The following LMNTD1 variants were observed in gnomAD, a reference collection of about 807,000 sequenced individuals.
LMNTD1 encodes the protein lamin tail domain-containing protein 1.
Under a neutral mutation model 50.9 loss-of-function variants are expected in LMNTD1, and 35 were observed. That is an observed-to-expected ratio of 0.69 (90% confidence interval 0.53 to 0.91). The LOEUF (loss-of-function observed/expected upper bound fraction) is 0.91. Ranked by LOEUF, LMNTD1 falls within the 40% of genes least tolerant of loss-of-function variation. LMNTD1 has a pLI of 0.00. For synonymous variants in LMNTD1, 153 were observed against 161.9 expected, an observed-to-expected ratio of 0.94 and a Z score of 0.42; for missense variants, 470 against 475.5, an observed-to-expected ratio of 0.99 and a Z score of 0.11.
At chr12:25,595,857 A>G (rs1173939452) in intron 1 of LMNTD1, among the ~76,000 whole-genome samples, 1 of 152,146 alleles carries the variant, frequency 6.6e-6, no homozygotes, top group Non-Finnish European at 1.5e-5. Flanking sequence ...TTAACCAAGA[A>G]AAGAAGAGAG....
At chr12:25,497,403 C>T (rs565104183) in intron 9 of LMNTD1, 1 of 152,242 alleles carries the variant, frequency 6.6e-6, no homozygotes, top group Non-Finnish European at 1.5e-5. Flanking sequence ...TAAAACCCTG[C>T]TTTACTCACC....
intron 9 of LMNTD1, among the ~76,000 whole-genome samples, chr12:25,476,911 G>A (rs74073913): frequency 1.9e-3 from 286 of 152,302 alleles, no homozygotes; most frequent in African/African-American, 6.4e-3. Flanking sequence ...AGGGTCTCCA[G>A]GACAAATCGA....
At chr12:25,566,942 T>C (rs1426001236) in intron 1 of LMNTD1, among the ~76,000 whole-genome samples, 5 of 152,162 alleles carry the variant, frequency 3.3e-5, no homozygotes, top group African/African-American at 1.2e-4. Flanking sequence ...TGTGTGCAAA[T>C]GAGAGAATGG....
chr12:25,477,006 C>T (rs1049211307), intron 9 of LMNTD1, among the ~76,000 whole-genome samples: 7 of 152,130 alleles, frequency 4.6e-5, no homozygotes, highest in Non-Finnish European at 8.8e-5. Flanking sequence ...CCTGAGGCAG[C>T]GTGACCCATA....
intron 1 of LMNTD1, among the ~76,000 whole-genome samples, chr12:25,635,484 G>A (rs2136609626): frequency 6.6e-6 from 1 of 152,244 alleles, no homozygotes; most frequent in Non-Finnish European, 1.5e-5. Flanking sequence ...AGAAATCATA[G>A]ATGCACACAA....
intron 8 of LMNTD1, among the ~76,000 whole-genome samples, chr12:25,515,090 C>T (rs987010224): frequency 2.6e-5 from 4 of 151,728 alleles, no homozygotes; most frequent in African/African-American, 9.7e-5. Context: ...GGTATGAACC[C>T]CAAAGGAACC....
chr12:25,558,449 A>G (rs1944131235), intron 1 of LMNTD1, among the ~76,000 whole-genome samples: 1 of 151,736 alleles, frequency 6.6e-6, no homozygotes, highest in African/African-American at 2.4e-5. Flanking sequence ...GCTATATTCC[A>G]TAGGTTTTGG....
intron 1 of LMNTD1, among the ~76,000 whole-genome samples, chr12:25,591,833 G>GAGAGAGAGAA (rs1945707087): frequency 7.1e-6 from 1 of 140,586 alleles, no homozygotes; most frequent in African/African-American, 3.2e-5. Flanking sequence ...GAGAGAGAGA[G>GAGAGAGAGAA]AGAGAGAGAG....
intron 6 of LMNTD1, among the ~76,000 whole-genome samples, chr12:25,525,217 G>A (rs960081221): frequency 6.6e-6 from 1 of 152,068 alleles, no homozygotes; most frequent in Non-Finnish European, 1.5e-5. Context: ...ATATTATACC[G>A]AGAGAAAGGT....
intron 1 of LMNTD1, among the ~76,000 whole-genome samples, chr12:25,647,413 T>C (rs1326816691): frequency 6.6e-6 from 1 of 151,956 alleles, no homozygotes; most frequent in Non-Finnish European, 1.5e-5. Context: ...GGCTTGAGCC[T>C]GGGGGGGCAG....
chr12:25,609,561 C>T (rs1946196961), intron 1 of LMNTD1, among the ~76,000 whole-genome samples: 1 of 152,180 alleles, frequency 6.6e-6, no homozygotes, highest in Non-Finnish European at 1.5e-5. Context: ...TGTTAGTTTT[C>T]CTTCTAACAG....
At chr12:25,614,601 C>G (rs895803334) in intron 1 of LMNTD1, among the ~76,000 whole-genome samples, 4 of 152,116 alleles carry the variant, frequency 2.6e-5, no homozygotes, top group African/African-American at 7.2e-5. Flanking sequence ...CAAAAGAGAA[C>G]AGTATTTCTC....
At chr12:25,504,790 T>A (rs1228292445) in intron 8 of LMNTD1, among the ~76,000 whole-genome samples, 1 of 152,228 alleles carries the variant, frequency 6.6e-6, no homozygotes, top group Non-Finnish European at 1.5e-5. Context: ...CAAATAGGAT[T>A]CTGAATCTAA....
chr12:25,621,917 C>A (rs1024776777), intron 1 of LMNTD1, among the ~76,000 whole-genome samples: 3 of 152,152 alleles, frequency 2.0e-5, no homozygotes, highest in Admixed American at 2.0e-4. Context: ...GTGATTGCCT[C>A]CATAGTAAGA....
chr12:25,616,872 A>G (rs997695509), intron 1 of LMNTD1, among the ~76,000 whole-genome samples: 3 of 152,206 alleles, frequency 2.0e-5, no homozygotes, highest in Admixed American at 2.0e-4. Context: ...AAGGGGCACA[A>G]GGTGATTCTT....
intron 1 of LMNTD1, among the ~76,000 whole-genome samples, chr12:25,627,787 C>G (rs1946623218): frequency 6.6e-6 from 1 of 152,168 alleles, no homozygotes; most frequent in East Asian, 1.9e-4. Flanking sequence ...GGGAAAACAT[C>G]TTTCTTGTAG....
intron 1 of LMNTD1, among the ~76,000 whole-genome samples, chr12:25,615,810 A>T (rs1946341853): frequency 6.6e-6 from 1 of 152,204 alleles, no homozygotes. Context: ...TGTCATAACA[A>T]AATATTAACA....
chr12:25,580,402 C>T (rs1179742404), intron 1 of LMNTD1, among the ~76,000 whole-genome samples: 1 of 152,002 alleles, frequency 6.6e-6, no homozygotes, highest in Non-Finnish European at 1.5e-5. Context: ...ACTTGTTCAG[C>T]ACAAGTATTA....
intron 9 of LMNTD1, among the ~76,000 whole-genome samples, chr12:25,488,919 T>A (rs1183376096): frequency 3.9e-5 from 6 of 152,118 alleles, no homozygotes; most frequent in African/African-American, 1.4e-4. Flanking sequence ...TGCTGGGGGG[T>A]GCCTCCCAGT....
Sources: allele counts gnomAD v4.1 joint callset (sites outside exome capture counted in the v4.1 genomes callset), GRCh38; gene constraint gnomAD v4.1.1; transcripts MANE v1.5; gene names NCBI Gene and HGNC (gene_info 2026-07-23, HGNC 2026-07-21).